The following PLEKHM3 variants were observed in gnomAD, a reference collection of about 807,000 sequenced individuals.
The protein encoded by PLEKHM3 is pleckstrin homology domain-containing family M member 3.
Under a neutral mutation model 81.8 loss-of-function variants are expected in PLEKHM3, and 45 were observed. The ratio of observed to expected loss-of-function variants is 0.55; its 90% confidence interval spans 0.43 to 0.71. The LOEUF is 0.71. PLEKHM3 is among the 30% of genes least tolerant of loss of function. PLEKHM3 has a pLI of 0.00. For missense variants in PLEKHM3, 788 were observed against 924.3 expected (o/e 0.85, Z 1.91); for synonymous variants, 352 against 356.4 (o/e 0.99, Z 0.14).
intron 5 of PLEKHM3, among the ~76,000 whole-genome samples, chr2:207,928,163 A>G (rs1182945077): frequency 6.6e-6 from 1 of 152,228 alleles, no homozygotes; most frequent in Non-Finnish European, 1.5e-5. Context: ...GAAATCTAAA[A>G]TAACAAAATT....
chr2:207,961,315 GA>G (rs1208464856), intron 3 of PLEKHM3, among the ~76,000 whole-genome samples: 1 of 152,188 alleles, frequency 6.6e-6, no homozygotes, highest in Middle Eastern at 3.2e-3. Flanking sequence ...TGATTTAAAA[GA>G]GAAGCAATTT....
chr2:207,903,977 A>T lies in PLEKHM3; in HGVS notation c.1950+4537T>A, dbSNP rs59193057. 6.6e-3 allele frequency among the ~76,000 whole-genome samples: 1,008 copies of T among 152,238 alleles called. 16 individuals carry two copies. The highest frequency in any genetic ancestry group is 0.023 in the African/African-American group (961 of 41,508). ...CTGAAAATAACAAAACACAAATTCT[A>T]TTCTATTTATCCTTCTCAAAGTAGC... On this transcript the variant is annotated intron_variant, in intron 6 of 7. Transcript: ENST00000427836.
At chr2:207,879,636 A>C (rs1246650121) in intron 6 of PLEKHM3, among the ~76,000 whole-genome samples, 2 of 152,234 alleles carry the variant, frequency 1.3e-5, no homozygotes, top group African/African-American at 4.8e-5. Flanking sequence ...AGTTGCTGCC[A>C]CTAGAGCACC....
At chr2:207,894,712 C>T (rs1559225228) in intron 6 of PLEKHM3, among the ~76,000 whole-genome samples, 1 of 152,164 alleles carries the variant, frequency 6.6e-6, no homozygotes, top group Non-Finnish European at 1.5e-5. Flanking sequence ...GGAGTCCTTC[C>T]ACTGCAGAAG....
chr2:207,975,955 G>A (rs754167829), intron 3 of PLEKHM3, among the ~76,000 whole-genome samples: 1 of 151,524 alleles, frequency 6.6e-6, no homozygotes, highest in Non-Finnish European at 1.5e-5. Context: ...AAAGAATGGG[G>A]AGTAGAGGAA....
intron 6 of PLEKHM3, among the ~76,000 whole-genome samples, chr2:207,891,356 C>T (rs981163265): frequency 4.6e-5 from 7 of 152,218 alleles, no homozygotes; most frequent in African/African-American, 1.4e-4. Context: ...ATATTTGTAA[C>T]TCACTTAACC....
chr2:207,927,986 A>T (rs1689458953), intron 5 of PLEKHM3, among the ~76,000 whole-genome samples: 1 of 152,160 alleles, frequency 6.6e-6, no homozygotes. Flanking sequence ...TTTTAATTAA[A>T]TTTTTTAATA....
intron 5 of PLEKHM3, among the ~76,000 whole-genome samples, chr2:207,913,963 G>A (rs115742386): frequency 0.01 from 1,530 of 151,972 alleles, 25 homozygotes; most frequent in African/African-American, 0.035. Context: ...CTGACCGCGC[G>A]TGTGCGTGCG....
intron 2 of PLEKHM3, among the ~76,000 whole-genome samples, chr2:207,996,220 T>C (rs1354793566): frequency 2.0e-5 from 3 of 152,140 alleles, no homozygotes; most frequent in Non-Finnish European, 2.9e-5. Context: ...TCAAAAGTGT[T>C]TGATTTTCTC....
Position 207,823,600 on chromosome 2 carries a change from C to T in PLEKHM3, c.*4719G>A, listed in dbSNP as rs547871578. On this transcript the variant is annotated 3_prime_UTR_variant, in exon 8 of 8. Transcript: ENST00000427836. ...TACAGGCATGAGCCACTACGTTCAG[C>T]CTAATTTTTTTATTTTTAGTATAGA... 1.2e-4 allele frequency: 18 copies of T among 152,264 alleles called. No homozygotes were observed. The highest frequency in any genetic ancestry group is 4.3e-4 in the African/African-American group (18 of 41,528). The allele number at this position is 152,264 out of a possible 1,614,324, so 9.4% of individuals were successfully genotyped here.
Position 207,828,328 on chromosome 2 carries a change from C to T in PLEKHM3, c.2277G>A (p.Gln759=). Residue 759 remains glutamine (Q), a synonymous_variant, in exon 8 of 8, where the codon CAG becomes CAA. Transcript: ENST00000427836. ...TTCGGGTCGGCTGGAGTCAGGTGTT[C>T]TGGTAGGACAGCTCGAACATGGTGC... ...EACTMFELSY[Q]NT is the part of the protein sequence containing the mutation. The T allele has an allele frequency of 6.2e-7, 1 of 1,609,374 alleles. No individual in the cohort carries two copies. The highest frequency in any genetic ancestry group is 1.3e-5 in the African/African-American group (1 of 74,842).
intron 1 of PLEKHM3, among the ~76,000 whole-genome samples, chr2:208,017,693 T>G (rs1692970035): frequency 6.6e-6 from 1 of 152,176 alleles, no homozygotes; most frequent in African/African-American, 2.4e-5. Flanking sequence ...CATTTCTCAT[T>G]GCCCATTCAT....
intron 6 of PLEKHM3, among the ~76,000 whole-genome samples, chr2:207,865,972 C>G (rs917892917): frequency 4.0e-5 from 6 of 150,518 alleles, no homozygotes; most frequent in Admixed American, 3.3e-4. Flanking sequence ...CTTTTAAATG[C>G]CTTCACTGTA....
chr2:207,927,464 C>T (rs1488255529), intron 5 of PLEKHM3, among the ~76,000 whole-genome samples: 11 of 142,114 alleles, frequency 7.7e-5, no homozygotes, highest in Admixed American at 3.7e-4. Flanking sequence ...TGCAGTGAGC[C>T]GAGATCATGC....
chr2:208,002,918 A>C (rs1454255352), intron 1 of PLEKHM3, among the ~76,000 whole-genome samples: 2 of 152,050 alleles, frequency 1.3e-5, no homozygotes, highest in African/African-American at 4.8e-5. Flanking sequence ...GAAAAAAAAA[A>C]AAACAAATAA....
intron 6 of PLEKHM3, among the ~76,000 whole-genome samples, chr2:207,891,178 T>C (rs1688049139): frequency 6.6e-6 from 1 of 152,248 alleles, no homozygotes; most frequent in African/African-American, 2.4e-5. Flanking sequence ...TATCCAGGGA[T>C]AGTTTTAACT....
At chr2:207,925,297 A>G (rs1160779207) in intron 5 of PLEKHM3, among the ~76,000 whole-genome samples, 2 of 152,116 alleles carry the variant, frequency 1.3e-5, no homozygotes, top group Admixed American at 6.5e-5. Context: ...GCATCTCATA[A>G]CTTCTACTGA....
chr2:207,975,943 G>A (rs909344981), intron 3 of PLEKHM3, among the ~76,000 whole-genome samples: 1 of 149,868 alleles, frequency 6.7e-6, no homozygotes, highest in East Asian at 1.9e-4. Flanking sequence ...CAGGAAAGGT[G>A]GAAAGAATGG....
intron 5 of PLEKHM3, among the ~76,000 whole-genome samples, chr2:207,919,243 C>T (rs1689102456): frequency 6.6e-6 from 1 of 151,978 alleles, no homozygotes; most frequent in Non-Finnish European, 1.5e-5. Context: ...TTGGTATGAC[C>T]AAGGACCAAC....
Sources: allele counts gnomAD v4.1 joint callset (sites outside exome capture counted in the v4.1 genomes callset), GRCh38; gene constraint gnomAD v4.1.1; transcripts MANE v1.5; gene names NCBI Gene and HGNC (gene_info 2026-07-23, HGNC 2026-07-21).